EFR3B: variants seen among roughly 807,000 people sequenced by gnomAD.
EFR3B encodes the protein EFR3 homolog B, also known as protein EFR3 homolog B.
EFR3B carries 64 observed loss-of-function variants against 104.7 expected under a neutral mutation model. The observed-to-expected ratio is 0.61, with a 90% CI of 0.50 to 0.75. The LOEUF (loss-of-function observed/expected upper bound fraction) is 0.75, where lower values mean the gene tolerates loss of function less well. EFR3B is among the 30% of genes least tolerant of loss of function. The pLI, the probability that EFR3B is intolerant of heterozygous loss-of-function variation, is 0.00. For synonymous variants in EFR3B, 385 were observed against 417.9 expected (o/e 0.92, Z 0.96); for missense variants, 750 against 1,078.5 (o/e 0.70, Z 4.27).
chr2:25,105,094 C>T (rs1669528424), intron 4 of EFR3B, among the ~76,000 whole-genome samples: 1 of 152,180 alleles, frequency 6.6e-6, no homozygotes, highest in South Asian at 2.1e-4. Context: ...TATCTATCTG[C>T]AGGTATCACA....
rs535722876 is a variant in EFR3B, at chr2:25,158,948, C to T, written c.*4608C>T. The T allele has an allele frequency of 3.0e-4, 45 of 152,176 alleles. 1 individual carries two copies. The highest frequency in any genetic ancestry group is 1.0e-3 in the African/African-American group (42 of 41,504). The allele number at this position is 152,176 out of a possible 1,614,324, so 9.4% of individuals were successfully genotyped here. ...TATATGTGAGTGCAGAATTAGTGCC[C>T]GTGGCGGTTTTCTGTATTTTAAACC... On this transcript the variant is annotated 3_prime_UTR_variant, in exon 23 of 23. Coordinates refer to ENST00000403714, the MANE Select transcript of EFR3B (RefSeq NM_014971.2).
intron 11 of EFR3B, 58 bp downstream of exon 11, chr2:25,133,072 A>C: frequency 6.9e-7 from 1 of 1,445,148 alleles, no homozygotes; most frequent in Non-Finnish European, 9.5e-7. Context: ...GCATTTTCTG[A>C]CCCCCTCCTT....
At chr2:25,099,304 G>A (rs1669368305) in intron 3 of EFR3B, among the ~76,000 whole-genome samples, 6 of 151,968 alleles carry the variant, frequency 3.9e-5, no homozygotes, top group Admixed American at 3.9e-4. Context: ...TGAAGGGCGA[G>A]GCTGCAGAGC....
chr2:25,140,598 C>T (rs894192807), intron 16 of EFR3B, among the ~76,000 whole-genome samples: 1 of 152,182 alleles, frequency 6.6e-6, no homozygotes, highest in Non-Finnish European at 1.5e-5. Context: ...TAGTAACTTG[C>T]ACTTTTCTTG....
At chr2:25,120,900 GTTTGTT>G (rs918410851) in intron 4 of EFR3B, among the ~76,000 whole-genome samples, 2 of 152,006 alleles carry the variant, frequency 1.3e-5, no homozygotes, top group African/African-American at 2.4e-5. Flanking sequence ...CATTGTTTTT[GTTTGTT>G]TTTGTTTTTG....
Position 25,092,989 on chromosome 2 carries a change from G to A in EFR3B, c.85-14G>A. On this transcript the variant is annotated splice_polypyrimidine_tract_variant and intron_variant, in intron 2 of 22. Coordinates refer to ENST00000403714, the MANE Select transcript of EFR3B (RefSeq NM_014971.2). The stretch of plus-strand genomic sequence containing the variant: ...AGTGTGGCCATAGTGAGCACAAGCT[G>A]TTTTCTCCTACAGGATGGTCTGGTG... The A allele has an allele frequency of 6.5e-7, 1 of 1,542,518 alleles. No individual in the cohort carries two copies. Among genetic ancestry groups the A allele is most frequent in the South Asian group, 1.2e-5 (1 of 84,054 alleles).
rs184331908 is a variant in EFR3B, at chr2:25,068,961, T to C, written c.8-22364T>C. ...TTTTTTTTTTTTTTCTGAGACAGAGTCTCACTCTGTCACCCAGGCTGGAAT... is the reference window on the plus strand; with the variant it reads ...TTTTTTTTTTTTTTCTGAGACAGAGCCTCACTCTGTCACCCAGGCTGGAAT... On this transcript the variant is annotated intron_variant, in intron 1 of 22. Coordinates refer to ENST00000403714, the MANE Select transcript of EFR3B (RefSeq NM_014971.2). Among the ~76,000 whole-genome samples, 1,167 of 121,124 alleles carry C rather than the reference T, an allele frequency of 9.6e-3. 4 individuals carry two copies. Among genetic ancestry groups the C allele is most frequent in the Middle Eastern group, 0.055 (8 of 146 alleles). 79.5% of individuals were successfully genotyped at this position (121,124 alleles called of 152,430 possible). A position where few individuals can be genotyped will look rare whatever the true frequency, so the allele number is the denominator to read the frequency against.
intron 1 of EFR3B, among the ~76,000 whole-genome samples, chr2:25,082,373 TG>T (rs2149180184): frequency 6.6e-6 from 1 of 152,304 alleles, no homozygotes; most frequent in African/African-American, 2.4e-5. Flanking sequence ...GGCTCCCTGA[TG>T]CCCAGTATGT....
intron 18 of EFR3B, among the ~76,000 whole-genome samples, chr2:25,144,434 C>G (rs1255529948): frequency 6.6e-6 from 1 of 152,080 alleles, no homozygotes; most frequent in East Asian, 1.9e-4. Flanking sequence ...GTCCCAGCTA[C>G]TCTGGAGGCT....
intron 1 of EFR3B, among the ~76,000 whole-genome samples, chr2:25,070,862 C>T (rs1437612575): frequency 6.6e-6 from 1 of 152,234 alleles, no homozygotes; most frequent in Non-Finnish European, 1.5e-5. Flanking sequence ...TGAAGATATC[C>T]ATTCGGATTA....
chr2:25,080,976 A>G (rs910206098), intron 1 of EFR3B: 79 of 755,804 alleles, frequency 1.0e-4, no homozygotes, highest in South Asian at 1.1e-4. Context: ...GATGCCTTCT[A>G]CAATATCAAC....
intron 1 of EFR3B, among the ~76,000 whole-genome samples, chr2:25,044,300 A>G (rs1320683237): frequency 6.6e-6 from 1 of 152,080 alleles, no homozygotes; most frequent in Non-Finnish European, 1.5e-5. Context: ...TGTGGGAGGG[A>G]GCCCACTCCC....
intron 1 of EFR3B, among the ~76,000 whole-genome samples, chr2:25,044,189 A>C (rs1260230914): frequency 1.3e-5 from 2 of 152,204 alleles, no homozygotes; most frequent in Non-Finnish European, 2.9e-5. Context: ...ATTGTAATGG[A>C]GGAATCCTCT....
rs1439013851 is a variant in EFR3B, at chr2:25,154,480, G to A, written c.*140G>A. On this transcript the variant is annotated 3_prime_UTR_variant, in exon 23 of 23. Transcript: ENST00000403714. The surrounding 1 kb of genome is among the most constrained non-coding windows in gnomAD (Gnocchi z 4.1). ...GGCAGCGCCTCCCAGGCTAAGCCAA[G>A]GTGGAGACTCTCTGGTCCTTCTTGG... 1.3e-6 allele frequency: 1 copy of A among 745,346 alleles called. No homozygotes were observed. Among genetic ancestry groups the A allele is most frequent in the Non-Finnish European group, 2.2e-6 (1 of 459,012 alleles). 46.2% of individuals were successfully genotyped at this position (745,346 alleles called of 1,614,324 possible).
intron 1 of EFR3B, among the ~76,000 whole-genome samples, chr2:25,043,636 G>A (rs1293693531): frequency 2.0e-5 from 3 of 152,238 alleles, no homozygotes; most frequent in Non-Finnish European, 4.4e-5. Context: ...TGGGAGGAGG[G>A]GGAGGTTGGC....
chr2:25,065,086 G>T (rs1162608212), intron 1 of EFR3B, among the ~76,000 whole-genome samples: 3 of 152,010 alleles, frequency 2.0e-5, no homozygotes, highest in Admixed American at 6.6e-5. Context: ...TGGCGGGGGG[G>T]GCGGGGCACA....
At position 25,145,418 on chromosome 2, in the gene EFR3B, T is replaced by A. The variant is rs1022112979; in HGVS notation, c.2142+367T>A. ...AGACCCCATCTCTACAAAAAATAAT[T>A]GAAAAATCAGCCAGGCATGGTGACG... On this transcript the variant is annotated intron_variant, in intron 19 of 22. Transcript: ENST00000403714. 17 of 339,732 alleles carry A rather than the reference T, an allele frequency of 5.0e-5. No homozygotes were observed. The East Asian group carries it at 7.3e-4, about 14-fold the overall frequency. The allele number at this position is 339,732 out of a possible 1,614,324, so 21.0% of individuals were successfully genotyped here. A position where few individuals can be genotyped will look rare whatever the true frequency, so the allele number is the denominator to read the frequency against.
At chr2:25,048,252 G>A (rs1402073859) in intron 1 of EFR3B, among the ~76,000 whole-genome samples, 1 of 152,104 alleles carries the variant, frequency 6.6e-6, no homozygotes, top group African/African-American at 2.4e-5. Flanking sequence ...GGCCTTAAGT[G>A]ATTCTCCCAC....
At chr2:25,063,720 G>A (rs749208714) in intron 1 of EFR3B, among the ~76,000 whole-genome samples, 2 of 152,224 alleles carry the variant, frequency 1.3e-5, no homozygotes, top group African/African-American at 2.4e-5. Flanking sequence ...GTTAATTACA[G>A]AGCTTGTAAT....
Sources: gnomAD v4.1 joint callset for allele counts (sites outside exome capture counted in the v4.1 genomes callset) on GRCh38, gnomAD v4.1.1 for gene constraint, Gnocchi (gnomAD v3.1) non-coding constraint, MANE v1.5 for transcripts, NCBI Gene and HGNC (gene_info 2026-07-23, HGNC 2026-07-21) for gene names.